DGCR2: variants seen among roughly 807,000 people sequenced by gnomAD.
DGCR2 encodes the protein integral membrane protein DGCR2/IDD.
DGCR2 carries 24 observed loss-of-function variants against 51.6 expected under a neutral mutation model. The observed-to-expected ratio is 0.47, with a 90% CI of 0.34 to 0.65. The LOEUF (loss-of-function observed/expected upper bound fraction) is 0.65. DGCR2 is among the 30% of genes least tolerant of loss of function. The pLI is 0.01. For synonymous variants in DGCR2, 340 were observed against 315.4 expected, an observed-to-expected ratio of 1.08 and a Z score of -0.82; for missense variants, 765 against 772.1, an observed-to-expected ratio of 0.99 and a Z score of 0.11.
At chr22:19,064,402 G>A (rs1055159667) in intron 4 of DGCR2, among the ~76,000 whole-genome samples, 9 of 152,218 alleles carry the variant, frequency 5.9e-5, no homozygotes, top group Non-Finnish European at 1.5e-5. Flanking sequence ...GGGCATAACT[G>A]TGGAGTCAAA....
rs2082399521 is a variant in DGCR2, at chr22:19,038,859, G to A, written c.*6C>T. The A allele has an allele frequency of 3.1e-6, 5 of 1,611,950 alleles. No homozygotes were observed. The highest frequency in any genetic ancestry group is 4.2e-6 in the Non-Finnish European group (5 of 1,179,332). The stretch of plus-strand genomic sequence containing the variant: ...TCCCAGACCGTTGGGGTACAGGCCA[G>A]GCCGTCTACACCACAGTATTGAGGG... On this transcript the variant is annotated 3_prime_UTR_variant, in exon 10 of 10. Coordinates refer to ENST00000263196, the MANE Select transcript of DGCR2 (RefSeq NM_005137.3).
intron 5 of DGCR2, among the ~76,000 whole-genome samples, chr22:19,062,656 G>T (rs1365849540): frequency 2.6e-5 from 4 of 152,006 alleles, no homozygotes; most frequent in Non-Finnish European, 5.9e-5. Flanking sequence ...GGGACAGGAA[G>T]GGCAAGCCAA....
intron 1 of DGCR2, among the ~76,000 whole-genome samples, chr22:19,099,089 C>G (rs1306039655): frequency 1.3e-5 from 2 of 152,226 alleles, no homozygotes; most frequent in African/African-American, 4.8e-5. Context: ...CGGGTCTATT[C>G]TGGAAGCAAC....
intron 2 of DGCR2, among the ~76,000 whole-genome samples, chr22:19,078,628 C>T (rs1466199652): frequency 6.6e-6 from 1 of 152,172 alleles, no homozygotes. Flanking sequence ...AAGCAGACAT[C>T]CTTGTCTTGT....
At position 19,057,370 on chromosome 22, in the gene DGCR2, C is replaced by A. The variant is rs1213785077; in HGVS notation, c.626-208G>T. ...GTGCTGGGCCTAGCGGGAGCCACTC[C>A]TTGGAGCCTGCAAGCACACAGGCCA... On this transcript the variant is annotated intron_variant, in intron 5 of 9. Coordinates refer to ENST00000263196, the MANE Select transcript of DGCR2 (RefSeq NM_005137.3). The surrounding 1 kb of genome is among the most constrained non-coding windows in gnomAD (Gnocchi z 5.1). Among the ~76,000 whole-genome samples the A allele has an allele frequency of 6.6e-6, 1 of 152,228 alleles. No individual in the cohort carries two copies. Among genetic ancestry groups the A allele is most frequent in the Non-Finnish European group, 1.5e-5 (1 of 68,038 alleles).
intron 4 of DGCR2, among the ~76,000 whole-genome samples, chr22:19,063,724 G>C (rs1219455914): frequency 2.6e-5 from 4 of 152,042 alleles, no homozygotes; most frequent in Admixed American, 6.5e-5. Context: ...TCACAGGGCA[G>C]GAAAAGTTTT....
intron 1 of DGCR2, among the ~76,000 whole-genome samples, chr22:19,110,600 A>G (rs1211577156): frequency 1.3e-5 from 2 of 151,790 alleles, no homozygotes; most frequent in African/African-American, 2.4e-5. Context: ...TGTTCTGCAC[A>G]TGCATCCTGG....
At chr22:19,080,348 T>C (rs538037809) in intron 2 of DGCR2, among the ~76,000 whole-genome samples, 5 of 152,378 alleles carry the variant, frequency 3.3e-5, no homozygotes, top group African/African-American at 1.2e-4. Context: ...ATTTTAATAC[T>C]TTATCTAACC....
intron 6 of DGCR2, among the ~76,000 whole-genome samples, chr22:19,055,326 A>C (rs1569045465): frequency 6.6e-6 from 1 of 152,212 alleles, no homozygotes; most frequent in Non-Finnish European, 1.5e-5. Flanking sequence ...TTTGTAACAC[A>C]AATATTCCCA....
chr22:19,088,530 C>A (rs921017261), intron 2 of DGCR2, among the ~76,000 whole-genome samples: 1 of 152,196 alleles, frequency 6.6e-6, no homozygotes, highest in African/African-American at 2.4e-5. Flanking sequence ...AGTGATAAAT[C>A]AGGTTGGCAA....
intron 1 of DGCR2, among the ~76,000 whole-genome samples, chr22:19,102,434 G>A (rs1010229770): frequency 6.6e-6 from 1 of 152,234 alleles, no homozygotes; most frequent in Admixed American, 6.5e-5. Context: ...CGGGCGTGGT[G>A]GCTCACGCCT....
In DGCR2 at chr22:19,056,353, C is replaced by T. The variant is rs145242162; in HGVS notation, c.802+633G>A. 4.3e-3 allele frequency: 1,287 copies of T among 300,420 alleles called. 6 individuals carry two copies. Among genetic ancestry groups the T allele is most frequent in the Non-Finnish European group, 6.5e-3 (1,021 of 158,228 alleles). The allele number at this position is 300,420 out of a possible 1,614,324, so 18.6% of individuals were successfully genotyped here. A position where few individuals can be genotyped will look rare whatever the true frequency, so the allele number is the denominator to read the frequency against. On this transcript the variant is annotated intron_variant, in intron 6 of 9. Transcript: ENST00000263196. Reference sequence around the variant, plus strand: ...AAAAGAGGACCACCGTCAACAAGAACGCCTGCACCATGCTCGGCAACATCA... The same window carrying T: ...AAAAGAGGACCACCGTCAACAAGAATGCCTGCACCATGCTCGGCAACATCA...
rs2082397715 is a variant in DGCR2, at chr22:19,038,749, C to T, written c.*116G>A. 2.9e-6 allele frequency: 4 copies of T among 1,391,310 alleles called. No homozygotes were observed. Among genetic ancestry groups the T allele is most frequent in the Non-Finnish European group, 3.0e-6 (3 of 1,016,892 alleles). 86.2% of individuals were successfully genotyped at this position (1,391,310 alleles called of 1,614,324 possible). A position where few individuals can be genotyped will look rare whatever the true frequency, so the allele number is the denominator to read the frequency against. On this transcript the variant is annotated 3_prime_UTR_variant, in exon 10 of 10. Transcript: ENST00000263196. ...TGTACACACGCGAGCCCGCCAGTGA[C>T]GTGCGGCAGTGCGTGGCGTCCAGGC...
In DGCR2 at chr22:19,064,836, T is replaced by C; in HGVS notation, c.548+12A>G. On this transcript the variant is annotated intron_variant, in intron 4 of 9. Transcript: ENST00000263196. ...TGACTCCAGCCCCTCAGGTCCCCAA[T>C]CCAGGACTCACTTGCGCTGGTCCTT... 6.2e-7 allele frequency: 1 copy of C among 1,612,086 alleles called. No homozygotes were observed. Among genetic ancestry groups the C allele is most frequent in the Non-Finnish European group, 8.5e-7 (1 of 1,179,114 alleles).
At chr22:19,109,990 G>A in intron 1 of DGCR2, among the ~76,000 whole-genome samples, 1 of 152,338 alleles carries the variant, frequency 6.6e-6, no homozygotes, top group East Asian at 1.9e-4. Context: ...TTCCTCCCTT[G>A]TCTAACAGAG....
intron 2 of DGCR2, among the ~76,000 whole-genome samples, chr22:19,081,087 A>T (rs1333615600): frequency 6.6e-6 from 1 of 152,238 alleles, no homozygotes; most frequent in Non-Finnish European, 1.5e-5. Context: ...GCTCTGCTAC[A>T]CCAGGTCAGT....
At chr22:19,114,332 T>C (rs2083351174) in intron 1 of DGCR2, among the ~76,000 whole-genome samples, 1 of 152,248 alleles carries the variant, frequency 6.6e-6, no homozygotes, top group Non-Finnish European at 1.5e-5. Context: ...GACAAGATCT[T>C]CTACACCCTT....
At chr22:19,066,982 G>A (rs2082756934) in intron 3 of DGCR2, among the ~76,000 whole-genome samples, 1 of 152,200 alleles carries the variant, frequency 6.6e-6, no homozygotes, top group Non-Finnish European at 1.5e-5. Flanking sequence ...TTCGGGCTGT[G>A]GGCACAGGCC....
intron 1 of DGCR2, among the ~76,000 whole-genome samples, chr22:19,098,757 T>C (rs2083169321): frequency 6.6e-6 from 1 of 152,020 alleles, no homozygotes; most frequent in African/African-American, 2.4e-5. Context: ...TCAGCTAATT[T>C]TTTATTTTTT....
Sources: allele counts gnomAD v4.1 joint callset (sites outside exome capture counted in the v4.1 genomes callset), GRCh38; gene constraint gnomAD v4.1.1; non-coding constraint Gnocchi (gnomAD v3.1); transcripts MANE v1.5; gene names NCBI Gene and HGNC (gene_info 2026-07-23, HGNC 2026-07-21).